Variants in HELB observed in about 807,000 individuals in gnomAD.
HELB encodes the protein DNA helicase B.
HELB carries 96 observed loss-of-function variants against 101.7 expected under a neutral mutation model. The ratio of observed to expected loss-of-function variants is 0.94; its 90% confidence interval spans 0.80 to 1.12. The LOEUF is 1.12. Among genes scored for constraint, HELB ranks in the 50% most tolerant of loss-of-function variants. HELB has a pLI of 0.00. For synonymous variants in HELB, 437 were observed against 459.7 expected, an observed-to-expected ratio of 0.95 and a Z score of 0.63; for missense variants, 1,210 against 1,291.9, an observed-to-expected ratio of 0.94 and a Z score of 0.97.
rs543735430 is a variant in HELB at position 66,321,989 on chromosome 12, T to G, written c.2197T>G (p.Leu733Val). Residue 733 changes from leucine to valine, a missense_variant, in exon 8 of 13, where the codon TTA becomes GTA. This residue lies in a region of HELB where 740 missense variants were observed against 728.8 expected (regional missense o/e 1.02). Coordinates refer to ENST00000247815, the MANE Select transcript of HELB (RefSeq NM_001370285.1). ...TAAAACTTTACTACAAGAAAATAAC[T>G]TACAAAATGCAAAAACATCACAATT... The part of the protein sequence containing the change: ...AVKTLLQENN[L>V]QNAKTSQFIA... 1.7e-6 allele frequency: 2 copies of G among 1,194,772 alleles called. No individual in the cohort carries two copies. Among genetic ancestry groups the G allele is most frequent in the Non-Finnish European group, 2.4e-6 (2 of 829,040 alleles). The allele number at this position is 1,194,772 out of a possible 1,614,324, so 74.0% of individuals were successfully genotyped here.
At chr12:66,313,904 T>C in intron 4 of HELB, 82 bp from the exon 5 acceptor site, 1 of 1,302,530 alleles carries the variant, frequency 7.7e-7, no homozygotes. Context: ...TTTACGAGTT[T>C]TGCCCCAAAA....
chr12:66,341,982 T>C (rs1022110032), downstream of HELB: 5 of 152,228 alleles, frequency 3.3e-5, no homozygotes, highest in African/African-American at 1.2e-4. Flanking sequence ...TAAGTGTCCT[T>C]TGAGGCCCAA....
chr12:66,303,265 A>G lies in HELB; in HGVS notation c.187+475A>G, dbSNP rs11176135. Among the ~76,000 whole-genome samples the G allele has an allele frequency of 8.6e-3, 1,310 of 152,012 alleles. 9 individuals are homozygous for G. Among genetic ancestry groups the G allele is most frequent in the Non-Finnish European group, 0.015 (997 of 67,962 alleles). On this transcript the variant is annotated intron_variant, in intron 1 of 12. Coordinates refer to ENST00000247815, the MANE Select transcript of HELB (RefSeq NM_001370285.1). ...GACCACTTATCCTCAAGTTCTATAG[A>G]ATGAGAACTTGTAATTATTATCCTA... is the stretch of plus-strand genomic sequence containing the variant.
intron 7 of HELB, among the ~76,000 whole-genome samples, chr12:66,319,698 C>T (rs2137002649): frequency 6.6e-6 from 1 of 152,100 alleles, no homozygotes; most frequent in Non-Finnish European, 1.5e-5. Context: ...AAGGTATATC[C>T]TTCCCACTTA....
At chr12:66,305,509 A>AG (rs759236128) in intron 2 of HELB, among the ~76,000 whole-genome samples, 5 of 152,194 alleles carry the variant, frequency 3.3e-5, no homozygotes, top group Admixed American at 6.5e-5. Flanking sequence ...TGGGAGACTG[A>AG]GGCAGGAGGA....
downstream of HELB, chr12:66,340,839 G>A (rs1342835752): frequency 6.5e-6 from 1 of 152,674 alleles, no homozygotes; most frequent in Non-Finnish European, 1.5e-5. Flanking sequence ...ATATTTGCTG[G>A]CAGCTGGTTA....
intron 2 of HELB, among the ~76,000 whole-genome samples, 160 bp downstream of exon 2, chr12:66,305,310 C>G (rs2136985879): frequency 6.6e-6 from 1 of 152,280 alleles, no homozygotes; most frequent in South Asian, 2.1e-4. Flanking sequence ...TTTCAGGTTT[C>G]TCATCTGTAG....
chr12:66,304,054 G>A (rs2053442291), intron 1 of HELB, among the ~76,000 whole-genome samples: 1 of 152,246 alleles, frequency 6.6e-6, no homozygotes, highest in Non-Finnish European at 1.5e-5. Context: ...TCAAGTATTT[G>A]TGGAGGGCTT....
rs1251157542 is a variant in HELB at position 66,325,116 on chromosome 12, A to C, written c.2660A>C (p.His887Pro). ...RIKHAWARTI[H>P]TFQGSEEQTV... ...AAACATGCATGGGCAAGAACTATTC[A>C]CACTTTTCAGGTAAGAGGAGACTTT... The change falls in exon 11 of 13, where the codon CAC (histidine) becomes CCC (proline). Residue 887 changes from histidine (H) to proline (P), a missense_variant. Transcript: ENST00000247815. 3 of 1,604,002 alleles carry C rather than the reference A, an allele frequency of 1.9e-6. No homozygotes were observed. The highest frequency in any genetic ancestry group is 2.6e-6 in the Non-Finnish European group (3 of 1,171,874).
At chr12:66,307,386 C>G (rs983780747) in intron 3 of HELB, among the ~76,000 whole-genome samples, 2 of 152,026 alleles carry the variant, frequency 1.3e-5, no homozygotes, top group Non-Finnish European at 2.9e-5. Flanking sequence ...TAAAAAAACC[C>G]TGTAAAATCC....
intron 11 of HELB, among the ~76,000 whole-genome samples, chr12:66,326,176 T>C (rs904102897): frequency 3.3e-5 from 5 of 152,172 alleles, no homozygotes; most frequent in African/African-American, 1.2e-4. Context: ...GTGAGTCTCT[T>C]ATTTATCTCT....
intron 6 of HELB, 70 bp from the exon 7 acceptor site, chr12:66,318,568 G>A (rs994038856): frequency 7.2e-7 from 1 of 1,383,664 alleles, no homozygotes; most frequent in African/African-American, 1.5e-5. Flanking sequence ...AAGGACATTA[G>A]CTCTGATCAT....
rs77241934 is a variant in HELB, at chr12:66,328,046, G to T, written c.2670+2920G>T. Among the ~76,000 whole-genome samples, 1,243 of 152,256 alleles carry T rather than the reference G, an allele frequency of 8.2e-3. 10 individuals carry two copies. Among genetic ancestry groups the T allele is most frequent in the Non-Finnish European group, 0.013 (914 of 68,016 alleles). Reference sequence around the variant, plus strand: ...CTAAGGTGAGAGTCTGTCTGGTATAGTTGAGAAGCAGGAATAGCAAGGTGG... The same window carrying T: ...CTAAGGTGAGAGTCTGTCTGGTATATTTGAGAAGCAGGAATAGCAAGGTGG... On this transcript the variant is annotated intron_variant, in intron 11 of 12. Transcript: ENST00000247815.
In HELB at chr12:66,315,373, A is replaced by G; in HGVS notation, c.1990A>G (p.Asn664Asp). The G allele has an allele frequency of 1.3e-6, 2 of 1,589,816 alleles. No homozygotes were observed. Among genetic ancestry groups the G allele is most frequent in the Non-Finnish European group, 1.7e-6 (2 of 1,170,406 alleles). ...AGCAGAATCTCAGCTCATTGTGGAC[A>G]ATGCTACAAGGTATAATATTACTAA... is the stretch of plus-strand genomic sequence containing the variant. ...HRAESQLIVD[N>D]ATRISRRQFP... The change falls in exon 6 of 13, where the codon AAT (asparagine) becomes GAT (aspartate). Residue 664 changes from asparagine to aspartate, a missense_variant. This residue lies in a region of HELB where 740 missense variants were observed against 728.8 expected (regional missense o/e 1.02). Transcript: ENST00000247815.
chr12:66,318,556 A>G (rs533388583), intron 6 of HELB, 82 bp from the exon 7 acceptor site: 1 of 1,256,286 alleles, frequency 8.0e-7, no homozygotes, highest in Non-Finnish European at 1.1e-6. Context: ...ACTAATTATT[A>G]TAAGGACATT....
chr12:66,332,362 C>T (rs956918520), intron 12 of HELB, among the ~76,000 whole-genome samples: 2 of 152,148 alleles, frequency 1.3e-5, no homozygotes, highest in African/African-American at 4.8e-5. Context: ...GTTTTGCTTT[C>T]CAAGGTTTCA....
intron 6 of HELB, among the ~76,000 whole-genome samples, chr12:66,318,163 A>G (rs1012284503): frequency 4.6e-5 from 7 of 152,220 alleles, no homozygotes; most frequent in African/African-American, 7.2e-5. Context: ...AAATTAATTT[A>G]TATAGAAAGG....
In HELB at chr12:66,322,739, A is replaced by G. The variant is rs1180657935; in HGVS notation, c.2253A>G (p.Leu751=). 7 of 1,610,890 alleles carry G rather than the reference A, an allele frequency of 4.3e-6. No individual in the cohort carries two copies. The change falls in exon 9 of 13, where the codon CTA becomes CTG. Residue 751 remains leucine, a synonymous_variant. Coordinates refer to ENST00000247815, the MANE Select transcript of HELB (RefSeq NM_001370285.1). ...FIAFRRQDCD[L]INDCCCKHYT... ...TGTGTTTCAGGCAAGACTGTGATCT[A>G]ATTAATGACTGCTGCTGCAAACACT...
At chr12:66,334,288 C>T (rs973572501) in intron 12 of HELB, among the ~76,000 whole-genome samples, 1 of 151,954 alleles carries the variant, frequency 6.6e-6, no homozygotes, top group Non-Finnish European at 1.5e-5. Context: ...TAGTGAGATT[C>T]CATCTCTACA....
Sources: gnomAD v4.1 joint callset for allele counts (sites outside exome capture counted in the v4.1 genomes callset) on GRCh38, gnomAD v4.1.1 for gene constraint, gnomAD v4.1.1 regional missense constraint, MANE v1.5 for transcripts, NCBI Gene and HGNC (gene_info 2026-07-23, HGNC 2026-07-21) for gene names.